RAB6A: variants seen among roughly 807,000 people sequenced by gnomAD.
The protein encoded by RAB6A is ras-related protein Rab-6A.
A neutral mutation model predicts 32.3 loss-of-function variants in RAB6A; 8 were observed. The observed-to-expected ratio is 0.25, with a 90% confidence interval of 0.15 to 0.45. The LOEUF is 0.45. Among genes scored for constraint, RAB6A ranks in the 20% least tolerant of loss-of-function variants. The probability of loss-of-function intolerance (pLI) is 1.00; values close to 1 mark genes in which losing one functional copy is unlikely to be tolerated. For synonymous variants in RAB6A, 73 were observed against 82.1 expected (o/e 0.89, Z 0.60); for missense variants, 104 against 249.4 (o/e 0.42, Z 3.93).
At chr11:73,739,084 G>A (rs10898939) in intron 1 of RAB6A, among the ~76,000 whole-genome samples, 149,130 of 149,704 alleles carry the variant, frequency 1, 74,281 homozygotes, top group Middle Eastern at 1. Context: ...CCTGGCCAAC[G>A]TGGTGAAATC....
chr11:73,683,303 T>G (rs560401360), intron 6 of RAB6A, among the ~76,000 whole-genome samples: 1 of 144,176 alleles, frequency 6.9e-6, no homozygotes, highest in East Asian at 2.1e-4. Context: ...TCACCCAAGC[T>G]GGAGTGCAGT....
intron 5 of RAB6A, among the ~76,000 whole-genome samples, chr11:73,710,138 T>G (rs972244270): frequency 6.7e-6 from 1 of 148,604 alleles, no homozygotes; most frequent in African/African-American, 2.4e-5. Context: ...TTTTGTGTTT[T>G]TTTTTTTTTA....
At chr11:73,737,857 C>T (rs927809066) in intron 1 of RAB6A, among the ~76,000 whole-genome samples, 4 of 151,524 alleles carry the variant, frequency 2.6e-5, no homozygotes, top group African/African-American at 4.9e-5. Flanking sequence ...ATTAGCTGGG[C>T]GTGGTGGTGG....
chr11:73,693,920 C>T lies in RAB6A; in HGVS notation c.495+13500G>A, dbSNP rs537323770. 2.0e-5 allele frequency among the ~76,000 whole-genome samples: 3 copies of T among 152,082 alleles called. No homozygotes were observed. In the South Asian group the frequency reaches 6.2e-4, roughly 32 times the overall value. On this transcript the variant is annotated intron_variant, in intron 6 of 7. Coordinates refer to ENST00000336083, the MANE Select transcript of RAB6A (RefSeq NM_198896.2). The stretch of plus-strand genomic sequence containing the variant: ...TTAAAGTGATCCCACTGGCCCTCCC[C>T]CATCCTTATTTTTAACTTTGAAAGT...
chr11:73,689,870 T>C (rs1035819477), intron 6 of RAB6A, among the ~76,000 whole-genome samples: 21 of 126,460 alleles, frequency 1.7e-4, no homozygotes, highest in African/African-American at 6.4e-4. Flanking sequence ...CACCCCAGTC[T>C]GGGCAACACA....
At chr11:73,748,576 G>T (rs1040587388) in intron 1 of RAB6A, among the ~76,000 whole-genome samples, 33 of 152,040 alleles carry the variant, frequency 2.2e-4, no homozygotes, top group Non-Finnish European at 3.5e-4. Flanking sequence ...CTATATAGAT[G>T]AAAAAAGATT....
intron 1 of RAB6A, among the ~76,000 whole-genome samples, chr11:73,747,208 C>CTT (rs549471454): frequency 6.8e-5 from 9 of 131,788 alleles, no homozygotes; most frequent in African/African-American, 1.9e-4. Context: ...CAAAATCTTC[C>CTT]TTTTTTTTTT....
chr11:73,724,766 G>A (rs1169441894), intron 2 of RAB6A, among the ~76,000 whole-genome samples: 7 of 152,316 alleles, frequency 4.6e-5, no homozygotes, highest in South Asian at 2.1e-4. Flanking sequence ...GATTACAGGC[G>A]TGAGCCACTG....
intron 6 of RAB6A, among the ~76,000 whole-genome samples, chr11:73,680,296 C>T (rs192770825): frequency 3.2e-4 from 48 of 151,958 alleles, no homozygotes; most frequent in African/African-American, 8.9e-4. Context: ...ATTACAGAAA[C>T]GCAGAAAAAG....
chr11:73,759,383 G>A (rs1227459995), intron 1 of RAB6A, among the ~76,000 whole-genome samples: 1 of 152,012 alleles, frequency 6.6e-6, no homozygotes, highest in Non-Finnish European at 1.5e-5. Flanking sequence ...CACAAAATTA[G>A]GATCTAGTAT....
At chr11:73,713,030 T>C (rs1399380152) in intron 5 of RAB6A, among the ~76,000 whole-genome samples, 2 of 152,164 alleles carry the variant, frequency 1.3e-5, no homozygotes, top group African/African-American at 2.4e-5. Context: ...CTTTTACTAT[T>C]ATTAATATAA....
intron 6 of RAB6A, among the ~76,000 whole-genome samples, chr11:73,697,613 C>A (rs1019043941): frequency 3.9e-5 from 6 of 152,160 alleles, no homozygotes; most frequent in African/African-American, 9.7e-5. Flanking sequence ...TCCCAAAACA[C>A]TGGGATTACA....
intron 5 of RAB6A, among the ~76,000 whole-genome samples, chr11:73,712,358 CT>C (rs372602435): frequency 3.3e-5 from 5 of 150,244 alleles, no homozygotes; most frequent in Admixed American, 1.3e-4. Flanking sequence ...CTAGCTTTTC[CT>C]TTTTTTTTTT....
At chr11:73,748,593 C>T (rs1313591805) in intron 1 of RAB6A, among the ~76,000 whole-genome samples, 3 of 152,066 alleles carry the variant, frequency 2.0e-5, no homozygotes, top group Non-Finnish European at 4.4e-5. Flanking sequence ...GATTAAGATA[C>T]GAGTTAATAA....
intron 6 of RAB6A, among the ~76,000 whole-genome samples, chr11:73,703,444 CAATT>C (rs1375814378): frequency 6.6e-6 from 1 of 152,148 alleles, no homozygotes; most frequent in Non-Finnish European, 1.5e-5. Flanking sequence ...AATAAACTGA[CAATT>C]AAAAAATTTC....
intron 6 of RAB6A, among the ~76,000 whole-genome samples, chr11:73,701,838 G>A (rs1412158928): frequency 1.3e-5 from 2 of 151,846 alleles, no homozygotes; most frequent in African/African-American, 2.4e-5. Flanking sequence ...ACAGGGTTTC[G>A]TCATGTTGCC....
At chr11:73,744,784 G>C (rs924249946) in intron 1 of RAB6A, among the ~76,000 whole-genome samples, 1 of 151,974 alleles carries the variant, frequency 6.6e-6, no homozygotes, top group African/African-American at 2.4e-5. Flanking sequence ...AGACCATCCT[G>C]GCCAACATGG....
chr11:73,718,628 C>A lies in RAB6A; in HGVS notation c.274G>T (p.Val92Phe). The stretch of plus-strand genomic sequence containing the variant: ...CTCCACTCACTTGTGATATCATAAA[C>A]AACAACTGCCACAGTGGAGTCACGA... ...YIRDSTVAVVVYDITNVNSFQ... is the reference protein window; with the variant it reads ...YIRDSTVAVVFYDITNVNSFQ... The change falls in exon 4 of 8, where the codon GTT becomes TTT. Residue 92 changes from valine (V) to phenylalanine (F), a missense_variant. Transcript: ENST00000336083. 2 of 1,613,262 alleles carry A rather than the reference C, an allele frequency of 1.2e-6. No homozygotes were observed. The highest frequency in any genetic ancestry group is 1.7e-6 in the Non-Finnish European group (2 of 1,179,600).
chr11:73,710,407 C>T (rs964949911), intron 5 of RAB6A, among the ~76,000 whole-genome samples: 2 of 151,858 alleles, frequency 1.3e-5, no homozygotes, highest in Admixed American at 1.3e-4. Context: ...TTTGAAATAA[C>T]AATATCCAAC....
Sources: allele counts gnomAD v4.1 joint callset (sites outside exome capture counted in the v4.1 genomes callset), GRCh38; gene constraint gnomAD v4.1.1; transcripts MANE v1.5; gene names NCBI Gene and HGNC (gene_info 2026-07-23, HGNC 2026-07-21).